The following SPOP variants were observed in gnomAD, a reference collection of about 807,000 sequenced individuals.
SPOP encodes speckle type BTB/POZ protein, also known as speckle-type POZ protein.
In SPOP, 11 loss-of-function variants were observed where a neutral mutation model predicts 45.6. The ratio of observed to expected loss-of-function variants is 0.24; its 90% CI spans 0.15 to 0.40. SPOP has a LOEUF of 0.40. Ranked by LOEUF, SPOP falls within the 10% of genes least tolerant of loss-of-function variation. SPOP has a pLI of 1.00. For synonymous variants in SPOP, 166 were observed against 166.3 expected (o/e 1.00, Z 0.01); for missense variants, 152 against 465.6 (o/e 0.33, Z 6.20).
At chr17:49,611,550 T>C (rs941824289) in intron 5 of SPOP, 93 bp from the exon 6 acceptor site, 5 of 1,117,544 alleles carry the variant, frequency 4.5e-6, no homozygotes, top group African/African-American at 1.6e-5. Context: ...CTGTAGTACA[T>C]TCAGATACTA....
chr17:49,602,490 AT>A (rs1380536805), intron 8 of SPOP: 2 of 153,890 alleles, frequency 1.3e-5, no homozygotes, highest in Non-Finnish European at 2.9e-5. Flanking sequence ...ATTTACTGCA[AT>A]CCCCTTAGAG....
At chr17:49,627,897 C>T (rs2072369673) in intron 1 of SPOP, among the ~76,000 whole-genome samples, 1 of 152,142 alleles carries the variant, frequency 6.6e-6, no homozygotes, top group African/African-American at 2.4e-5. Flanking sequence ...AGCTCTTAAC[C>T]AAACAACCTG....
At chr17:49,612,712 T>C (rs573228955) in intron 5 of SPOP, 1 of 152,374 alleles carries the variant, frequency 6.6e-6, no homozygotes, top group South Asian at 2.1e-4. Context: ...CTAACAATTG[T>C]TGTTATGCTT....
At chr17:49,615,109 T>C (rs117020209) in intron 5 of SPOP, among the ~76,000 whole-genome samples, 1,714 of 152,244 alleles carry the variant, frequency 0.011, 18 homozygotes, top group Non-Finnish European at 0.018. Flanking sequence ...TCCTCCTACC[T>C]TGGCCTCCGA....
intron 1 of SPOP, among the ~76,000 whole-genome samples, chr17:49,632,232 C>CT (rs2072463851): frequency 6.6e-6 from 1 of 152,144 alleles, no homozygotes; most frequent in South Asian, 2.1e-4. Context: ...AAAAAGAAAA[C>CT]TATCAAGTCA....
intron 1 of SPOP, among the ~76,000 whole-genome samples, chr17:49,668,871 G>A (rs9889985): frequency 1.9e-4 from 29 of 151,062 alleles, no homozygotes; most frequent in African/African-American, 7.1e-4. Flanking sequence ...CCACCTCCCA[G>A]GTTCCCGCCA....
At chr17:49,678,121 C>A, upstream of SPOP, 1 of 395,508 alleles carries the variant, frequency 2.5e-6, no homozygotes, top group Non-Finnish European at 4.5e-6. Context: ...GTCGACGCAG[C>A]CAGCGCGTAC....
intron 1 of SPOP, among the ~76,000 whole-genome samples, chr17:49,649,027 G>A (rs1037041203): frequency 1.3e-5 from 2 of 152,026 alleles, no homozygotes; most frequent in Non-Finnish European, 2.9e-5. Context: ...AAAGTGCTGG[G>A]ATTACAGGCG....
chr17:49,607,007 A>G, intron 8 of SPOP: 1 of 405,436 alleles, frequency 2.5e-6, no homozygotes. Context: ...GGTAGAAGTC[A>G]AACTTATCCT....
At chr17:49,671,527 G>A (rs1048122017) in intron 1 of SPOP, among the ~76,000 whole-genome samples, 1 of 151,810 alleles carries the variant, frequency 6.6e-6, no homozygotes, top group Non-Finnish European at 1.5e-5. Context: ...GCCAAATACA[G>A]GACAGTGTGA....
At chr17:49,607,744 G>T in intron 7 of SPOP, 130 bp downstream of exon 7, 2 of 817,118 alleles carry the variant, frequency 2.4e-6, no homozygotes, top group South Asian at 1.8e-5. Flanking sequence ...GCTCTCAGAA[G>T]GAGTTTAGGG....
At position 49,600,591 on chromosome 17, in the gene SPOP, A is replaced by G. The variant is rs36010904; in HGVS notation, c.981-69T>C. On this transcript the variant is annotated intron_variant, in intron 9 of 9. Transcript: ENST00000504102. This position sits in a 1 kb window ranked among gnomAD's most constrained non-coding sequence, Gnocchi z 4.2. ...AGGGATGAATTCAACAGCCACCTAG[A>G]TAGCCTAATTTTCCACTGTTAGGTA... 10,893 of 1,574,572 alleles carry G rather than the reference A, an allele frequency of 6.9e-3. 66 individuals carry two copies. The highest frequency in any genetic ancestry group is 0.021 in the Middle Eastern group (126 of 5,960).
intron 1 of SPOP, among the ~76,000 whole-genome samples, chr17:49,627,140 C>T (rs1339660489): frequency 2.6e-5 from 4 of 152,282 alleles, no homozygotes; most frequent in Non-Finnish European, 5.9e-5. Flanking sequence ...TGAGCCACCA[C>T]GCCCGGCCAG....
intron 1 of SPOP, among the ~76,000 whole-genome samples, chr17:49,662,535 A>T (rs2073002361): frequency 6.6e-6 from 1 of 152,076 alleles, no homozygotes; most frequent in Non-Finnish European, 1.5e-5. Context: ...TACAAAAATT[A>T]GCCGGGCACC....
intron 1 of SPOP, among the ~76,000 whole-genome samples, chr17:49,675,117 T>C (rs114053784): frequency 6.6e-6 from 1 of 152,186 alleles, no homozygotes; most frequent in Admixed American, 6.5e-5. Context: ...ACATTACAAA[T>C]GCACATCCAT....
chr17:49,668,661 A>T (rs2073093870), intron 1 of SPOP, among the ~76,000 whole-genome samples: 1 of 152,132 alleles, frequency 6.6e-6, no homozygotes, highest in Non-Finnish European at 1.5e-5. Flanking sequence ...GCTGGGTGAT[A>T]AGTATATGCA....
chr17:49,642,919 A>G (rs140146483), intron 1 of SPOP, among the ~76,000 whole-genome samples: 10 of 152,396 alleles, frequency 6.6e-5, no homozygotes, highest in African/African-American at 2.4e-4. Flanking sequence ...TACGTCATCT[A>G]TGTTAAAGTT....
chr17:49,653,263 G>C (rs1257260454), intron 1 of SPOP, among the ~76,000 whole-genome samples: 1 of 151,880 alleles, frequency 6.6e-6, no homozygotes, highest in Non-Finnish European at 1.5e-5. Context: ...CATAACCTAA[G>C]TAATTCAAAA....
At chr17:49,654,550 C>T (rs1028788172) in intron 1 of SPOP, among the ~76,000 whole-genome samples, 4 of 151,976 alleles carry the variant, frequency 2.6e-5, no homozygotes, top group Admixed American at 6.6e-5. Context: ...TTTGTGAGGC[C>T]GAGGCCAGCG....
Sources: gnomAD v4.1 joint callset for allele counts (sites outside exome capture counted in the v4.1 genomes callset) on GRCh38, gnomAD v4.1.1 for gene constraint, Gnocchi (gnomAD v3.1) non-coding constraint, MANE v1.5 for transcripts, NCBI Gene and HGNC (gene_info 2026-07-23, HGNC 2026-07-21) for gene names.